The following MMP16 variants were observed in gnomAD, a reference collection of about 807,000 sequenced individuals.
MMP16 encodes the protein matrix metallopeptidase 16, also known as matrix metalloproteinase-16.
Under a neutral mutation model 67.8 loss-of-function variants are expected in MMP16, and 12 were observed. That is an observed-to-expected ratio of 0.18 (90% CI 0.11 to 0.29). The LOEUF (loss-of-function observed/expected upper bound fraction) is 0.29. Ranked by LOEUF, MMP16 falls within the 10% of genes least tolerant of loss-of-function variation. MMP16 has a pLI of 1.00. For missense variants in MMP16, 475 were observed against 765.7 expected, an observed-to-expected ratio of 0.62 and a Z score of 4.48; for synonymous variants, 249 against 255.9, an observed-to-expected ratio of 0.97 and a Z score of 0.26.
At chr8:88,064,230 G>C (rs1157065461) in intron 7 of MMP16, among the ~76,000 whole-genome samples, 1 of 152,056 alleles carries the variant, frequency 6.6e-6, no homozygotes, top group Admixed American at 6.6e-5. Flanking sequence ...GGAAAGATTA[G>C]AAAACAAATT....
chr8:88,193,350 A>AAAAAC (rs918051391), intron 2 of MMP16, among the ~76,000 whole-genome samples: 1 of 152,156 alleles, frequency 6.6e-6, no homozygotes, highest in East Asian at 1.9e-4. Context: ...GTGGGAGCTA[A>AAAAAC]AAAACAAAAC....
At chr8:88,249,581 G>A (rs1163556019) in intron 1 of MMP16, among the ~76,000 whole-genome samples, 1 of 152,122 alleles carries the variant, frequency 6.6e-6, no homozygotes, top group Non-Finnish European at 1.5e-5. Flanking sequence ...TTTACTTGGA[G>A]TGATCCAGTG....
At chr8:88,134,805 C>T (rs1808091082) in intron 4 of MMP16, among the ~76,000 whole-genome samples, 2 of 151,188 alleles carry the variant, frequency 1.3e-5, no homozygotes, top group Admixed American at 6.6e-5. Context: ...TATTTTTCTT[C>T]GCCACCTTAT....
intron 8 of MMP16, among the ~76,000 whole-genome samples, chr8:88,050,753 T>A (rs1808259685): frequency 6.6e-6 from 1 of 152,220 alleles, no homozygotes; most frequent in South Asian, 2.1e-4. Context: ...ATTCTCTCAA[T>A]GCTGTCGTTC....
chr8:88,202,309 G>A (rs1809355875), intron 1 of MMP16, among the ~76,000 whole-genome samples: 1 of 152,152 alleles, frequency 6.6e-6, no homozygotes, highest in African/African-American at 2.4e-5. Flanking sequence ...TGTGATGACC[G>A]TGATGATCAT....
At chr8:88,194,110 T>C (rs1233299596) in intron 2 of MMP16, among the ~76,000 whole-genome samples, 1 of 152,050 alleles carries the variant, frequency 6.6e-6, no homozygotes, top group Non-Finnish European at 1.5e-5. Flanking sequence ...TACCTTAATT[T>C]ATTGTTTGAA....
intron 1 of MMP16, among the ~76,000 whole-genome samples, chr8:88,261,942 A>T (rs1810394815): frequency 6.6e-6 from 1 of 152,184 alleles, no homozygotes; most frequent in Admixed American, 6.5e-5. Context: ...CTAAAGACTC[A>T]GAAAGTACTC....
intron 3 of MMP16, among the ~76,000 whole-genome samples, chr8:88,178,801 T>C (rs952095602): frequency 6.6e-6 from 1 of 152,154 alleles, no homozygotes; most frequent in Non-Finnish European, 1.5e-5. Flanking sequence ...TATGTTGCCT[T>C]TTCCTTTTTT....
intron 2 of MMP16, among the ~76,000 whole-genome samples, chr8:88,189,758 C>T (rs886719289): frequency 6.6e-6 from 1 of 152,132 alleles, no homozygotes; most frequent in Non-Finnish European, 1.5e-5. Flanking sequence ...TCCTTGTTCA[C>T]CCTGAGAATC....
chr8:88,287,574 C>T (rs936507707), intron 1 of MMP16, among the ~76,000 whole-genome samples: 4 of 152,180 alleles, frequency 2.6e-5, no homozygotes, highest in Non-Finnish European at 5.9e-5. Context: ...GTTACATCCC[C>T]TCCACCTAAT....
intron 6 of MMP16, among the ~76,000 whole-genome samples, chr8:88,079,593 T>C (rs537508432): frequency 1.3e-5 from 2 of 152,290 alleles, no homozygotes; most frequent in East Asian, 3.9e-4. Flanking sequence ...AGCTGAAATG[T>C]TATTCCGTAA....
chr8:88,049,128 G>T (rs1311782281), intron 8 of MMP16, among the ~76,000 whole-genome samples: 1 of 152,144 alleles, frequency 6.6e-6, no homozygotes, highest in South Asian at 2.1e-4. Flanking sequence ...TCATCACATC[G>T]AAGATGAGAA....
At chr8:88,247,308 A>G (rs1357279734) in intron 1 of MMP16, among the ~76,000 whole-genome samples, 2 of 152,154 alleles carry the variant, frequency 1.3e-5, no homozygotes, top group East Asian at 3.9e-4. Context: ...AATCATTTCT[A>G]CTGTCTAGCA....
chr8:88,206,124 T>A (rs1368817920), intron 1 of MMP16, among the ~76,000 whole-genome samples: 1 of 152,056 alleles, frequency 6.6e-6, no homozygotes, highest in Non-Finnish European at 1.5e-5. Flanking sequence ...AAGTTGCCTT[T>A]TTTTAAATTG....
intron 7 of MMP16, among the ~76,000 whole-genome samples, chr8:88,057,748 C>G (rs1256812241): frequency 3.3e-5 from 5 of 152,000 alleles, no homozygotes. Flanking sequence ...TCATTTACTC[C>G]AAGAGCTTCT....
intron 1 of MMP16, among the ~76,000 whole-genome samples, chr8:88,321,800 C>T (rs2130089038): frequency 6.6e-6 from 1 of 152,250 alleles, no homozygotes; most frequent in East Asian, 1.9e-4. Context: ...TAGTTCACAT[C>T]TCATTGTTGC....
intron 1 of MMP16, among the ~76,000 whole-genome samples, chr8:88,218,539 T>C (rs2129838595): frequency 6.6e-6 from 1 of 152,168 alleles, no homozygotes; most frequent in Middle Eastern, 3.4e-3. Flanking sequence ...GTTAAATAAC[T>C]TGATAGTGGT....
At chr8:88,239,641 T>A (rs1353914973) in intron 1 of MMP16, among the ~76,000 whole-genome samples, 1 of 152,122 alleles carries the variant, frequency 6.6e-6, no homozygotes, top group Non-Finnish European at 1.5e-5. Context: ...ACTAAAATGC[T>A]AAGAGTTTCA....
At chr8:88,257,367 G>T (rs1437081892) in intron 1 of MMP16, among the ~76,000 whole-genome samples, 1 of 152,184 alleles carries the variant, frequency 6.6e-6, no homozygotes, top group Admixed American at 6.5e-5. Context: ...CAGCAGTTGG[G>T]ATCATTTACT....
Sources: allele counts gnomAD v4.1 joint callset (sites outside exome capture counted in the v4.1 genomes callset), GRCh38; gene constraint gnomAD v4.1.1; transcripts MANE v1.5; gene names NCBI Gene and HGNC (gene_info 2026-07-23, HGNC 2026-07-21).